The following TASOR2 variants were observed in gnomAD, a reference collection of about 807,000 sequenced individuals.
TASOR2 encodes the protein protein TASOR 2.
A neutral mutation model predicts 199.5 loss-of-function variants in TASOR2; 84 were observed. The observed-to-expected ratio is 0.42, with a 90% CI of 0.35 to 0.50. The LOEUF (loss-of-function observed/expected upper bound fraction) is 0.50, where lower values mean the gene tolerates loss of function less well. Ranked by LOEUF, TASOR2 falls within the 20% of genes least tolerant of loss-of-function variation. The probability of loss-of-function intolerance (pLI) is 0.02; values close to 1 mark genes in which losing one functional copy is unlikely to be tolerated. For missense variants in TASOR2, 2,796 were observed against 2,835.9 expected, an observed-to-expected ratio of 0.99 and a Z score of 0.32; for synonymous variants, 1,103 against 1,046.6, an observed-to-expected ratio of 1.05 and a Z score of -1.04.
intron 1 of TASOR2, among the ~76,000 whole-genome samples, chr10:5,695,299 T>C (rs1323385220): frequency 2.0e-5 from 3 of 152,310 alleles, no homozygotes; most frequent in Admixed American, 2.0e-4. Context: ...AAACTACACA[T>C]ATGTAATTAT....
intron 1 of TASOR2, chr10:5,712,606 T>G (rs1013000065): frequency 8.3e-7 from 1 of 1,203,732 alleles, no homozygotes; most frequent in African/African-American, 1.6e-5. Context: ...CCATCATTTT[T>G]GGTATATAAG....
intron 1 of TASOR2, among the ~76,000 whole-genome samples, chr10:5,704,506 C>A (rs2131529113): frequency 6.6e-6 from 1 of 151,968 alleles, no homozygotes; most frequent in Non-Finnish European, 1.5e-5. Context: ...GTTTTCAGTG[C>A]CTTGTTTTGT....
At position 5,747,125 on chromosome 10, in the gene TASOR2, T is replaced by TAGTA; in HGVS notation, c.3706_3707insTAAG (p.Glu1236ValfsTer14). 1 of 1,614,152 alleles carries TAGTA rather than the reference T, an allele frequency of 6.2e-7. No homozygotes were observed. The highest frequency in any genetic ancestry group is 8.5e-7 in the Non-Finnish European group (1 of 1,180,042). On this transcript the variant is annotated frameshift_variant, in exon 15 of 21. Coordinates refer to ENST00000328090, the Ensembl canonical transcript of TASOR2. LOFTEE classifies it high-confidence loss of function. ...GGATGCCACACATCAGGTGACTCTTTAGAACTAAGGAAGAATCACAAGAAT... is the reference window on the plus strand; with the variant it reads ...GGATGCCACACATCAGGTGACTCTTTAGTAAGAACTAAGGAAGAATCACAAGAAT...
intron 15 of TASOR2, among the ~76,000 whole-genome samples, chr10:5,756,012 G>T (rs753101408): frequency 3.3e-4 from 50 of 152,064 alleles, no homozygotes; most frequent in South Asian, 1.0e-3. Context: ...GCAAAGAAAT[G>T]TCAAAGTCAT....
intron 14 of TASOR2, among the ~76,000 whole-genome samples, chr10:5,744,261 T>C (rs1363523811): frequency 2.0e-5 from 3 of 151,588 alleles, no homozygotes. Context: ...CTTAAAACTC[T>C]GTTGTCTCAG....
Position 5,720,432 on chromosome 10 carries a change from A to G in TASOR2, c.-99-112A>G. 2 of 1,414,112 alleles carry G rather than the reference A, an allele frequency of 1.4e-6. No individual in the cohort carries two copies. Among genetic ancestry groups the G allele is most frequent in the South Asian group, 3.3e-5 (2 of 60,226 alleles). 87.6% of individuals were successfully genotyped at this position (1,414,112 alleles called of 1,614,324 possible). ...CCTGTGAATGAGTAACACCCAAGAT[A>G]TATTTCTGACTCTAATGTGTTAAAT... On this transcript the variant is annotated intron_variant, in intron 3 of 20. Coordinates refer to ENST00000328090, the Ensembl canonical transcript of TASOR2. This position sits in a 1 kb window ranked among gnomAD's most constrained non-coding sequence, Gnocchi z 5.3.
chr10:5,735,180 G>C, intron 11 of TASOR2, 124 bp from the exon 13 acceptor site: 1 of 1,133,026 alleles, frequency 8.8e-7, no homozygotes, highest in Non-Finnish European at 1.3e-6. Flanking sequence ...AAACTTCATA[G>C]TTTATTCCCC....
rs1436736740 is a variant in TASOR2, at chr10:5,698,058, T to A, written c.-288+12883T>A. Among the ~76,000 whole-genome samples the A allele has an allele frequency of 1.3e-5, 2 of 152,266 alleles. No homozygotes were observed. The highest frequency in any genetic ancestry group is 4.8e-5 in the African/African-American group (2 of 41,468). On this transcript the variant is annotated intron_variant, in intron 1 of 20. Transcript: ENST00000328090. The surrounding 1 kb of genome is among the most constrained non-coding windows in gnomAD (Gnocchi z 4.4). Reference sequence around the variant, plus strand: ...GACCCTAGTGCTTTACTTTTCCTTATGTTCACTCCATGACCCTATGCAGTT... The same window carrying A: ...GACCCTAGTGCTTTACTTTTCCTTAAGTTCACTCCATGACCCTATGCAGTT...
chr10:5,729,885 G>T (rs558311375), intron 10 of TASOR2, among the ~76,000 whole-genome samples: 1,408 of 39,732 alleles, frequency 0.035, 29 homozygotes, highest in African/African-American at 0.13. Context: ...TAGCACTTCA[G>T]TCAAAGCAGG....
At chr10:5,726,733 T>G (rs1834099938) in intron 8 of TASOR2, 152 bp from the exon 10 acceptor site, 2 of 643,348 alleles carry the variant, frequency 3.1e-6, no homozygotes, top group Non-Finnish European at 5.4e-6. Context: ...ACTTGAAGTT[T>G]CTGATACTGG....
rs1836203538 is a variant in TASOR2, at chr10:5,740,216, G to A, written c.2046G>A (p.Gly682=). 6.2e-7 allele frequency: 1 copy of A among 1,614,078 alleles called. No homozygotes were observed. Among genetic ancestry groups the A allele is most frequent in the African/African-American group, 1.3e-5 (1 of 74,920 alleles). The change falls in exon 13 of 21, where the codon GGG becomes GGA. Residue 682 remains glycine (G), a synonymous_variant. Transcript: ENST00000328090. This position sits in a 1 kb window ranked among gnomAD's most constrained non-coding sequence, Gnocchi z 5.3. ...TAAGCCCTCTGTTTCCCAGGAATGGGACAAAAAGCCCTGAAGCAGCAACCC... is the reference window on the plus strand; with the variant it reads ...TAAGCCCTCTGTTTCCCAGGAATGGAACAAAAAGCCCTGAAGCAGCAACCC...
At chr10:5,709,348 GAT>G (rs1831624221) in intron 1 of TASOR2, among the ~76,000 whole-genome samples, 1 of 152,132 alleles carries the variant, frequency 6.6e-6, no homozygotes, top group Non-Finnish European at 1.5e-5. Context: ...AAACATTTCA[GAT>G]TATGTGTTAT....
Position 5,690,328 on chromosome 10 carries a change from C to T in TASOR2, c.-288+5153C>T, listed in dbSNP as rs192822708. On this transcript the variant is annotated intron_variant, in intron 1 of 20. Coordinates refer to ENST00000328090, the Ensembl canonical transcript of TASOR2. The surrounding 1 kb of genome is among the most constrained non-coding windows in gnomAD (Gnocchi z 4.8). ...TTACATTTAATCGGAGAACTAAATC[C>T]CTTGCTAATATTTTGTATAAAGATT... Among the ~76,000 whole-genome samples the T allele has an allele frequency of 2.0e-4, 30 of 152,076 alleles. No individual in the cohort carries two copies. In the East Asian group the frequency reaches 5.6e-3, roughly 28 times the overall value.
chr10:5,719,487 C>T lies in TASOR2; in HGVS notation c.-99-1057C>T, dbSNP rs1471709116. ...CCTCCCAAGTGGCTGGGACTACAGG[C>T]GCGCGCTACCACACCCAGCTAATTT... is the stretch of plus-strand genomic sequence containing the variant. On this transcript the variant is annotated intron_variant, in intron 3 of 20. Coordinates refer to ENST00000328090, the Ensembl canonical transcript of TASOR2. The surrounding 1 kb of genome is among the most constrained non-coding windows in gnomAD (Gnocchi z 4.1). Among the ~76,000 whole-genome samples, 2 of 152,020 alleles carry T rather than the reference C, an allele frequency of 1.3e-5. No individual in the cohort carries two copies. Among genetic ancestry groups the T allele is most frequent in the Non-Finnish European group, 2.9e-5 (2 of 68,016 alleles).
At position 5,740,736 on chromosome 10, in the gene TASOR2, C is replaced by G. The variant is rs1263047079; in HGVS notation, c.2327+239C>G. Among the ~76,000 whole-genome samples, 2 of 152,208 alleles carry G rather than the reference C, an allele frequency of 1.3e-5. No homozygotes were observed. The highest frequency in any genetic ancestry group is 2.4e-5 in the African/African-American group (1 of 41,452). ...AAGATAATTTTAGCCTAATGAATAG[C>G]TTTCCATTTTGCAATGCTCCCTCGT... On this transcript the variant is annotated intron_variant, in intron 13 of 20. Coordinates refer to ENST00000328090, the Ensembl canonical transcript of TASOR2. This position sits in a 1 kb window ranked among gnomAD's most constrained non-coding sequence, Gnocchi z 5.3.
In TASOR2 at chr10:5,710,280, C is replaced by G. The variant is rs562924772; in HGVS notation, c.-287-2543C>G. Among the ~76,000 whole-genome samples, 1 of 152,176 alleles carries G rather than the reference C, an allele frequency of 6.6e-6. No homozygotes were observed. The highest frequency in any genetic ancestry group is 2.1e-4 in the South Asian group (1 of 4,820). ...GAACCCATGAAAGATTTAAGATTAG[C>G]TATGATTTTCCAACAACTTTGTTTT... On this transcript the variant is annotated intron_variant, in intron 1 of 20. Transcript: ENST00000328090. This position sits in a 1 kb window ranked among gnomAD's most constrained non-coding sequence, Gnocchi z 4.6.
chr10:5,746,017 C>T (rs1837141139), intron 14 of TASOR2, among the ~76,000 whole-genome samples, 162 bp from the exon 16 acceptor site: 1 of 152,132 alleles, frequency 6.6e-6, no homozygotes, highest in Non-Finnish European at 1.5e-5. Context: ...GAGGGACTTG[C>T]TTGATTTGTA....
Position 5,748,579 on chromosome 10 carries a change from A to C in TASOR2, c.5158A>C (p.Thr1720Pro). 6.2e-7 allele frequency: 1 copy of C among 1,613,662 alleles called. No individual in the cohort carries two copies. Among genetic ancestry groups the C allele is most frequent in the Admixed American group, 1.7e-5 (1 of 60,030 alleles). Residue 1720 changes from threonine to proline, a missense_variant, in exon 15 of 21, where the codon ACA becomes CCA. Physicochemically the swap from Thr to Pro is conservative, Grantham distance 38. This residue lies in a region of TASOR2 where 1,941 missense variants were observed against 1,924.9 expected (regional missense o/e 1.01). Coordinates refer to ENST00000328090, the Ensembl canonical transcript of TASOR2. The surrounding 1 kb of genome is among the most constrained non-coding windows in gnomAD (Gnocchi z 5.1). ...CACTGCTGGCCCTCAGTCCAACACCACATCTTCTCTAAAAGGTGAACGCAA... is the reference window on the plus strand; with the variant it reads ...CACTGCTGGCCCTCAGTCCAACACCCCATCTTCTCTAAAAGGTGAACGCAA...
rs1368663866 is a variant in TASOR2, at chr10:5,737,005, G to A, written c.1447+1459G>A. On this transcript the variant is annotated intron_variant, in intron 12 of 20. Transcript: ENST00000328090. This position sits in a 1 kb window ranked among gnomAD's most constrained non-coding sequence, Gnocchi z 4.9. ...AGATAGAATCTCACTCTGTCACCAGGCTGGAGTGCAGTAGCACGATCTCGG... is the reference window on the plus strand; with the variant it reads ...AGATAGAATCTCACTCTGTCACCAGACTGGAGTGCAGTAGCACGATCTCGG... Among the ~76,000 whole-genome samples the A allele has an allele frequency of 2.0e-5, 3 of 152,138 alleles. No homozygotes were observed. The highest frequency in any genetic ancestry group is 4.4e-5 in the Non-Finnish European group (3 of 68,022).
Sources: gnomAD v4.1 joint callset for allele counts (sites outside exome capture counted in the v4.1 genomes callset) on GRCh38, gnomAD v4.1.1 for gene constraint, gnomAD v4.1.1 regional missense constraint, Gnocchi (gnomAD v3.1) non-coding constraint, MANE v1.5 for transcripts, NCBI Gene and HGNC (gene_info 2026-07-23, HGNC 2026-07-21) for gene names.